Variants in CFAP299 observed in about 807,000 individuals in gnomAD.
CFAP299 encodes the protein cilia and flagella associated protein 299.
CFAP299 carries 21 observed loss-of-function variants against 27.0 expected under a neutral mutation model. The ratio of observed to expected loss-of-function variants is 0.78; its 90% CI spans 0.55 to 1.12. The LOEUF is 1.12. CFAP299 is among the 50% of genes most tolerant of loss of function. The pLI is 0.00. For synonymous variants in CFAP299, 104 were observed against 98.1 expected, an observed-to-expected ratio of 1.06 and a Z score of -0.36; for missense variants, 310 against 276.6, an observed-to-expected ratio of 1.12 and a Z score of -0.86.
intron 3 of CFAP299, among the ~76,000 whole-genome samples, chr4:80,753,662 G>T (rs1199960423): frequency 1.3e-5 from 2 of 152,066 alleles, no homozygotes; most frequent in East Asian, 1.9e-4. Flanking sequence ...GCATGTTTTG[G>T]ATGCTTTGTT....
intron 3 of CFAP299, among the ~76,000 whole-genome samples, chr4:80,808,926 C>G (rs957171224): frequency 1.3e-5 from 2 of 152,092 alleles, no homozygotes; most frequent in Non-Finnish European, 2.9e-5. Context: ...ATATGCATAT[C>G]TTCCAGATGC....
intron 2 of CFAP299, among the ~76,000 whole-genome samples, chr4:80,407,417 G>C (rs1052372452): frequency 6.6e-6 from 1 of 152,170 alleles, no homozygotes; most frequent in Admixed American, 6.5e-5. Flanking sequence ...GTCAATTTGT[G>C]AGTTGGCTGG....
chr4:80,945,063 T>G (rs1458505444), intron 5 of CFAP299, 124 bp downstream of exon 5: 1 of 939,044 alleles, frequency 1.1e-6, no homozygotes, highest in Non-Finnish European at 1.7e-6. Flanking sequence ...GAAATAACAT[T>G]TTGAAACTTA....
At chr4:80,856,729 T>C (rs1269889329) in intron 3 of CFAP299, among the ~76,000 whole-genome samples, 1 of 152,196 alleles carries the variant, frequency 6.6e-6, no homozygotes, top group East Asian at 1.9e-4. Context: ...TGCAGTGTTA[T>C]TTCTGAGGGC....
At chr4:80,806,416 C>T (rs1728869058) in intron 3 of CFAP299, among the ~76,000 whole-genome samples, 1 of 152,112 alleles carries the variant, frequency 6.6e-6, no homozygotes. Context: ...CAGTCAAATA[C>T]AGAACCAAAA....
chr4:80,869,868 C>T lies in CFAP299; in HGVS notation c.334-125C>T, dbSNP rs972971354. ...AAGAAGCTGTTCAATGTTATAACCA[C>T]TCTTTCAGAAGCCCTGCTTCCTATG... On this transcript the variant is annotated intron_variant, in intron 3 of 5. Transcript: ENST00000358105. 3.4e-6 allele frequency: 3 copies of T among 894,928 alleles called. No homozygotes were observed. The South Asian group carries it at 6.4e-5, about 19-fold the overall frequency. 55.4% of individuals were successfully genotyped at this position (894,928 alleles called of 1,614,324 possible).
At chr4:80,758,555 C>G (rs924374704) in intron 3 of CFAP299, among the ~76,000 whole-genome samples, 1 of 152,148 alleles carries the variant, frequency 6.6e-6, no homozygotes, top group East Asian at 1.9e-4. Flanking sequence ...AGAGTGGGCT[C>G]TCGCCAGAGA....
At chr4:80,695,479 A>G (rs1278536075) in intron 3 of CFAP299, among the ~76,000 whole-genome samples, 1 of 152,150 alleles carries the variant, frequency 6.6e-6, no homozygotes, top group Non-Finnish European at 1.5e-5. Context: ...ACTCATCTAC[A>G]TGGAGAATAA....
chr4:80,628,414 T>C (rs1029081579), intron 3 of CFAP299, among the ~76,000 whole-genome samples: 1 of 152,082 alleles, frequency 6.6e-6, no homozygotes, highest in African/African-American at 2.4e-5. Flanking sequence ...CTATGACATT[T>C]ATCTGGGCAA....
intron 2 of CFAP299, among the ~76,000 whole-genome samples, chr4:80,452,592 G>T (rs1728954541): frequency 6.6e-6 from 1 of 152,034 alleles, no homozygotes; most frequent in Non-Finnish European, 1.5e-5. Flanking sequence ...ATGCCTTTTG[G>T]AGCTAAAGCC....
At chr4:80,845,903 C>T (rs1251320960) in intron 3 of CFAP299, among the ~76,000 whole-genome samples, 1 of 151,970 alleles carries the variant, frequency 6.6e-6, no homozygotes, top group African/African-American at 2.4e-5. Context: ...TTTTTTCTTT[C>T]TATCAAGCAT....
chr4:80,385,887 C>A (rs1238416263), intron 2 of CFAP299, among the ~76,000 whole-genome samples: 1 of 152,210 alleles, frequency 6.6e-6, no homozygotes, highest in Non-Finnish European at 1.5e-5. Context: ...CCAGCCTAGA[C>A]CAGCGGGACG....
chr4:80,335,958 C>T, intron 1 of CFAP299, 79 bp downstream of exon 1: 2 of 894,018 alleles, frequency 2.2e-6, no homozygotes, highest in South Asian at 1.3e-5. Flanking sequence ...GTGGGCTGGT[C>T]GCCCCCTGGC....
chr4:80,736,050 T>C (rs1301556883), intron 3 of CFAP299, among the ~76,000 whole-genome samples: 1 of 152,100 alleles, frequency 6.6e-6, no homozygotes, highest in Non-Finnish European at 1.5e-5. Context: ...ACTCTGGTGG[T>C]AGTTTCTTTT....
At chr4:80,910,610 G>A (rs1050179859) in intron 4 of CFAP299, among the ~76,000 whole-genome samples, 8 of 151,990 alleles carry the variant, frequency 5.3e-5, no homozygotes, top group Non-Finnish European at 1.0e-4. Flanking sequence ...CTTATAAATG[G>A]GAGCTAAATG....
intron 2 of CFAP299, among the ~76,000 whole-genome samples, chr4:80,569,500 T>A (rs1735478572): frequency 6.6e-6 from 1 of 152,024 alleles, no homozygotes; most frequent in South Asian, 2.1e-4. Context: ...AGTGTGAGGT[T>A]TGGTTTGTAA....
At chr4:80,737,757 TA>T (rs1282408138) in intron 3 of CFAP299, among the ~76,000 whole-genome samples, 1 of 152,026 alleles carries the variant, frequency 6.6e-6, no homozygotes, top group East Asian at 1.9e-4. Flanking sequence ...AGAAAAAAAT[TA>T]AAAAGAAGAA....
chr4:80,437,253 G>A (rs1342933955), intron 2 of CFAP299, among the ~76,000 whole-genome samples: 1 of 152,138 alleles, frequency 6.6e-6, no homozygotes, highest in African/African-American at 2.4e-5. Flanking sequence ...TAGTGCTGAT[G>A]TATACATACA....
chr4:80,948,365 C>G (rs1028303959), intron 5 of CFAP299, among the ~76,000 whole-genome samples: 1 of 152,116 alleles, frequency 6.6e-6, no homozygotes, highest in Admixed American at 6.6e-5. Context: ...TTTAACTTCC[C>G]TGCAGCTGTA....
Sources: allele counts gnomAD v4.1 joint callset (sites outside exome capture counted in the v4.1 genomes callset), GRCh38; gene constraint gnomAD v4.1.1; transcripts MANE v1.5; gene names NCBI Gene and HGNC (gene_info 2026-07-23, HGNC 2026-07-21).